The following ANO6 variants were observed in gnomAD, a reference collection of about 807,000 sequenced individuals.
The protein encoded by ANO6 is anoctamin 6.
In ANO6, 106 loss-of-function variants were observed where a neutral mutation model predicts 117.5. The ratio of observed to expected loss-of-function variants is 0.90; its 90% CI spans 0.77 to 1.06. The LOEUF is 1.06. ANO6 is among the 50% of genes least tolerant of loss of function. The pLI is 0.00. For synonymous variants in ANO6, 367 were observed against 385.1 expected (o/e 0.95, Z 0.55); for missense variants, 955 against 1,121.1 (o/e 0.85, Z 2.12).
At chr12:45,274,691 C>T (rs973364566) in intron 1 of ANO6, among the ~76,000 whole-genome samples, 2 of 151,570 alleles carry the variant, frequency 1.3e-5, no homozygotes, top group South Asian at 2.1e-4. Context: ...TACTGTAAGG[C>T]CTCTGCTACC....
chr12:45,401,701 T>C, intron 12 of ANO6, 94 bp from the exon 13 acceptor site: 1 of 1,034,308 alleles, frequency 9.7e-7, no homozygotes, highest in Non-Finnish European at 1.5e-6. Flanking sequence ...TACATCACTT[T>C]ACACACACAC....
intron 1 of ANO6, among the ~76,000 whole-genome samples, chr12:45,239,688 C>G (rs1947707491): frequency 6.6e-6 from 1 of 152,154 alleles, no homozygotes; most frequent in Non-Finnish European, 1.5e-5. Context: ...GCATTTAGTG[C>G]TATAAATTTC....
At chr12:45,413,713 G>A (rs942684848) in intron 16 of ANO6, among the ~76,000 whole-genome samples, 1 of 152,162 alleles carries the variant, frequency 6.6e-6, no homozygotes, top group South Asian at 2.1e-4. Flanking sequence ...AGATGATAAC[G>A]TTGCTTCAGA....
intron 12 of ANO6, among the ~76,000 whole-genome samples, chr12:45,397,199 A>G (rs1222110274): frequency 1.3e-5 from 2 of 152,208 alleles, no homozygotes; most frequent in Admixed American, 1.3e-4. Context: ...ACACTTTTCA[A>G]AAGAAGACAT....
At chr12:45,265,478 A>G (rs1436469609) in intron 1 of ANO6, among the ~76,000 whole-genome samples, 1 of 152,180 alleles carries the variant, frequency 6.6e-6, no homozygotes, top group Non-Finnish European at 1.5e-5. Flanking sequence ...TAATGATAGC[A>G]GTTATGTCTT....
Position 45,241,559 on chromosome 12 carries a change from G to A in ANO6, c.70+25168G>A, listed in dbSNP as rs751082847. ...TTCTGAAGCCTACTTCTGTCAACTC[G>A]TCAAAGTCATTCTCCGTCCAGCTTT... On this transcript the variant is annotated intron_variant, in intron 1 of 19. Coordinates refer to ENST00000320560, the MANE Select transcript of ANO6 (RefSeq NM_001025356.3). 5.9e-5 allele frequency among the ~76,000 whole-genome samples: 9 copies of A among 152,180 alleles called. No individual in the cohort carries two copies. The South Asian group carries it at 1.4e-3, about 25-fold the overall frequency.
At chr12:45,398,270 T>C (rs1373879901) in intron 12 of ANO6, among the ~76,000 whole-genome samples, 1 of 152,064 alleles carries the variant, frequency 6.6e-6, no homozygotes, top group Non-Finnish European at 1.5e-5. Flanking sequence ...GAAAAAAATA[T>C]GATGACCAAT....
chr12:45,368,876 C>A (rs564523872), intron 9 of ANO6, among the ~76,000 whole-genome samples: 14 of 152,228 alleles, frequency 9.2e-5, no homozygotes, highest in African/African-American at 3.4e-4. Flanking sequence ...ATACAACAAC[C>A]CTGTGAGATA....
At chr12:45,253,050 A>T (rs1299845156) in intron 1 of ANO6, among the ~76,000 whole-genome samples, 1 of 152,182 alleles carries the variant, frequency 6.6e-6, no homozygotes, top group Non-Finnish European at 1.5e-5. Flanking sequence ...CTGGTATAAC[A>T]TTGTTTTATT....
intron 1 of ANO6, among the ~76,000 whole-genome samples, chr12:45,300,077 T>G (rs1017847746): frequency 6.6e-6 from 1 of 152,322 alleles, no homozygotes; most frequent in East Asian, 1.9e-4. Context: ...GAACCCAGCC[T>G]TCTCTTCTAT....
chr12:45,347,655 C>A, intron 4 of ANO6: 1 of 220,150 alleles, frequency 4.5e-6, no homozygotes. Context: ...TAAGTTCATT[C>A]GAGGTTTAGA....
At chr12:45,256,720 G>A (rs752547653) in intron 1 of ANO6, 12 of 151,786 alleles carry the variant, frequency 7.9e-5, no homozygotes, top group Non-Finnish European at 1.2e-4. Context: ...CCTCTTTTTT[G>A]TTTCATGCAG....
At chr12:45,352,720 C>A (rs7975088) in intron 7 of ANO6, among the ~76,000 whole-genome samples, 4,514 of 149,738 alleles carry the variant, frequency 0.03, 215 homozygotes, top group African/African-American at 0.1. Flanking sequence ...GAGTAAGACC[C>A]TGTCTCCAAA....
At chr12:45,379,639 A>G (rs1234564234) in intron 10 of ANO6, among the ~76,000 whole-genome samples, 1 of 152,222 alleles carries the variant, frequency 6.6e-6, no homozygotes, top group Admixed American at 6.5e-5. Flanking sequence ...CACATCTACT[A>G]AACTGCATAT....
intron 2 of ANO6, among the ~76,000 whole-genome samples, chr12:45,307,399 A>ACATTTGTTG (rs1302279115): frequency 1.6e-4 from 24 of 152,158 alleles, no homozygotes; most frequent in Non-Finnish European, 5.9e-5. Context: ...TTGACAGATC[A>ACATTTGTTG]AATGTGAGCT....
intron 9 of ANO6, among the ~76,000 whole-genome samples, chr12:45,372,980 A>G (rs957092678): frequency 1.3e-4 from 20 of 152,242 alleles, no homozygotes; most frequent in African/African-American, 4.6e-4. Flanking sequence ...TCATGTGCAG[A>G]GACACACATA....
intron 3 of ANO6, among the ~76,000 whole-genome samples, chr12:45,333,468 A>T (rs1241785934): frequency 6.6e-6 from 1 of 152,036 alleles, no homozygotes; most frequent in African/African-American, 2.4e-5. Flanking sequence ...TAAAAGAAAC[A>T]GTTCTGGTTT....
chr12:45,403,294 G>T, intron 14 of ANO6, 53 bp downstream of exon 14: 1 of 1,586,820 alleles, frequency 6.3e-7, no homozygotes, highest in Non-Finnish European at 8.6e-7. Context: ...TTTTCTCTCA[G>T]TTGCCCAAAT....
At chr12:45,273,865 G>A (rs1218437754) in intron 1 of ANO6, among the ~76,000 whole-genome samples, 2 of 152,152 alleles carry the variant, frequency 1.3e-5, no homozygotes, top group Non-Finnish European at 2.9e-5. Context: ...TAAGTGGTCT[G>A]AATACACTTA....
Sources: allele counts gnomAD v4.1 joint callset (sites outside exome capture counted in the v4.1 genomes callset), GRCh38; gene constraint gnomAD v4.1.1; transcripts MANE v1.5; gene names NCBI Gene and HGNC (gene_info 2026-07-23, HGNC 2026-07-21).